The following DPYD variants were observed in gnomAD, a reference collection of about 807,000 sequenced individuals.
The protein encoded by DPYD is dihydropyrimidine dehydrogenase [NADP(+)].
A neutral mutation model predicts 116.2 loss-of-function variants in DPYD; 109 were observed. The ratio of observed to expected loss-of-function variants is 0.94; its 90% CI spans 0.80 to 1.10. The LOEUF is 1.10. DPYD is among the 50% of genes least tolerant of loss of function. The pLI is 0.00. For synonymous variants in DPYD, 440 were observed against 432.0 expected, an observed-to-expected ratio of 1.02 and a Z score of -0.23; for missense variants, 1,302 against 1,254.5, an observed-to-expected ratio of 1.04 and a Z score of -0.57.
At chr1:97,548,952 T>C (rs1001519857) in intron 12 of DPYD, among the ~76,000 whole-genome samples, 1 of 152,120 alleles carries the variant, frequency 6.6e-6, no homozygotes, top group Non-Finnish European at 1.5e-5. Flanking sequence ...TTGTATACCA[T>C]CAGATTTGAT....
At chr1:97,212,806 A>T (rs1660122709) in intron 19 of DPYD, among the ~76,000 whole-genome samples, 1 of 152,122 alleles carries the variant, frequency 6.6e-6, no homozygotes, top group Non-Finnish European at 1.5e-5. Flanking sequence ...AAAATAACAG[A>T]TTCTGGGCCA....
intron 13 of DPYD, among the ~76,000 whole-genome samples, chr1:97,499,987 G>A (rs2101927634): frequency 6.6e-6 from 1 of 152,028 alleles, no homozygotes; most frequent in African/African-American, 2.4e-5. Flanking sequence ...AAGAGGCAAT[G>A]TGTATGTACC....
At chr1:97,402,786 G>T (rs936372697) in intron 14 of DPYD, among the ~76,000 whole-genome samples, 13 of 151,916 alleles carry the variant, frequency 8.6e-5, no homozygotes, top group Non-Finnish European at 1.8e-4. Context: ...AAGTTTCTCT[G>T]TATTGTTAGT....
chr1:97,208,750 C>G (rs544699339), intron 19 of DPYD, among the ~76,000 whole-genome samples: 1 of 152,048 alleles, frequency 6.6e-6, no homozygotes, highest in Non-Finnish European at 1.5e-5. Context: ...ACTGAAGCAG[C>G]CTGAGGTTAT....
At chr1:97,261,068 T>C (rs1188172806) in intron 18 of DPYD, among the ~76,000 whole-genome samples, 1 of 152,122 alleles carries the variant, frequency 6.6e-6, no homozygotes, top group Non-Finnish European at 1.5e-5. Context: ...AAATGATCAC[T>C]GAATTGTAGA....
intron 14 of DPYD, among the ~76,000 whole-genome samples, chr1:97,390,750 A>G (rs1405537817): frequency 1.3e-5 from 2 of 151,994 alleles, no homozygotes; most frequent in South Asian, 2.1e-4. Flanking sequence ...GTTTCTATAA[A>G]AAATCAGAGA....
intron 18 of DPYD, among the ~76,000 whole-genome samples, chr1:97,292,243 T>C (rs1402605431): frequency 6.6e-6 from 1 of 152,138 alleles, no homozygotes; most frequent in Non-Finnish European, 1.5e-5. Context: ...TCTGTTCTCA[T>C]GCTGCTATTA....
intron 11 of DPYD, among the ~76,000 whole-genome samples, chr1:97,560,141 C>CT: frequency 6.6e-6 from 1 of 152,048 alleles, no homozygotes; most frequent in Non-Finnish European, 1.5e-5. Flanking sequence ...AATCACAAGG[C>CT]TGGGTAAAGT....
At chr1:97,706,086 T>C (rs1661933842) in intron 5 of DPYD, among the ~76,000 whole-genome samples, 1 of 152,090 alleles carries the variant, frequency 6.6e-6, no homozygotes, top group African/African-American at 2.4e-5. Context: ...ACTGAAAAAA[T>C]TATATGAATT....
chr1:97,822,188 T>C (rs1668974419), intron 3 of DPYD, among the ~76,000 whole-genome samples: 1 of 151,056 alleles, frequency 6.6e-6, no homozygotes, highest in Non-Finnish European at 1.5e-5. Flanking sequence ...ATTTTTTATA[T>C]TCAGTTGAGA....
intron 20 of DPYD, among the ~76,000 whole-genome samples, chr1:97,152,669 G>A (rs1040957656): frequency 6.6e-6 from 1 of 150,724 alleles, no homozygotes; most frequent in Non-Finnish European, 1.5e-5. Flanking sequence ...TGTAGATATT[G>A]CTGTATATAT....
intron 8 of DPYD, among the ~76,000 whole-genome samples, chr1:97,664,820 A>T (rs766425302): frequency 3.3e-5 from 5 of 152,154 alleles, no homozygotes; most frequent in African/African-American, 4.8e-5. Flanking sequence ...CAGTTTTCAG[A>T]AAAAATGACT....
chr1:97,707,686 T>A (rs12071499), intron 5 of DPYD, among the ~76,000 whole-genome samples: 1,854 of 152,114 alleles, frequency 0.012, 45 homozygotes, highest in African/African-American at 0.043. Flanking sequence ...TGTAGCAAAC[T>A]GAGCAGACTA....
At chr1:97,512,405 G>A (rs1647866830) in intron 13 of DPYD, among the ~76,000 whole-genome samples, 1 of 151,678 alleles carries the variant, frequency 6.6e-6, no homozygotes, top group East Asian at 1.9e-4. Context: ...GTATAGAAAG[G>A]GCTTACAAGT....
At chr1:97,190,554 C>T (rs1189021051) in intron 20 of DPYD, among the ~76,000 whole-genome samples, 1 of 152,180 alleles carries the variant, frequency 6.6e-6, no homozygotes, top group Non-Finnish European at 1.5e-5. Flanking sequence ...GACTGTTCTT[C>T]TCAGGAATTT....
chr1:97,130,620 C>G (rs889798573), intron 20 of DPYD, among the ~76,000 whole-genome samples: 1 of 152,098 alleles, frequency 6.6e-6, no homozygotes, highest in African/African-American at 2.4e-5. Context: ...CACTCTAATT[C>G]CTACCATCTG....
At chr1:97,906,506 A>G (rs1673628046) in intron 1 of DPYD, among the ~76,000 whole-genome samples, 2 of 152,062 alleles carry the variant, frequency 1.3e-5, no homozygotes, top group South Asian at 4.1e-4. Context: ...AGTTCCCAAG[A>G]TACAGCAAGT....
At chr1:97,520,195 C>G (rs139272111) in intron 12 of DPYD, among the ~76,000 whole-genome samples, 1 of 152,012 alleles carries the variant, frequency 6.6e-6, no homozygotes, top group Non-Finnish European at 1.5e-5. Flanking sequence ...AAAAGATGAA[C>G]AAAACAGACA....
At chr1:97,851,350 T>G (rs1670560810) in intron 2 of DPYD, among the ~76,000 whole-genome samples, 1 of 151,594 alleles carries the variant, frequency 6.6e-6, no homozygotes, top group African/African-American at 2.4e-5. Context: ...CAGATTAGGA[T>G]TCTCCTTATT....
Sources: gnomAD v4.1 joint callset for allele counts (sites outside exome capture counted in the v4.1 genomes callset) on GRCh38, gnomAD v4.1.1 for gene constraint, MANE v1.5 for transcripts, NCBI Gene and HGNC (gene_info 2026-07-23, HGNC 2026-07-21) for gene names.